AGBL3: variants seen among roughly 807,000 people sequenced by gnomAD.
The protein encoded by AGBL3 is cytosolic carboxypeptidase 3.
AGBL3 carries 68 observed loss-of-function variants against 94.5 expected under a neutral mutation model. That is an observed-to-expected ratio of 0.72 (90% CI 0.59 to 0.88). The LOEUF (loss-of-function observed/expected upper bound fraction) is 0.88, where lower values mean the gene tolerates loss of function less well. Ranked by LOEUF, AGBL3 falls within the 40% of genes least tolerant of loss-of-function variation. The pLI, the probability that AGBL3 is intolerant of heterozygous loss-of-function variation, is 0.00. For missense variants in AGBL3, 934 were observed against 1,103.8 expected, an observed-to-expected ratio of 0.85 and a Z score of 2.18; for synonymous variants, 354 against 370.7, an observed-to-expected ratio of 0.95 and a Z score of 0.52.
At chr7:135,037,668 C>A in intron 8 of AGBL3, 88 bp downstream of exon 8, 2 of 1,122,426 alleles carry the variant, frequency 1.8e-6, no homozygotes, top group Non-Finnish European at 2.4e-6. Flanking sequence ...AATACTATTC[C>A]AAACTGCTTT....
At chr7:135,075,633 T>G (rs1453629133) in intron 12 of AGBL3, among the ~76,000 whole-genome samples, 1 of 152,202 alleles carries the variant, frequency 6.6e-6, no homozygotes, top group Admixed American at 6.5e-5. Context: ...TACATACATG[T>G]TTAATTCTTT....
intron 15 of AGBL3, among the ~76,000 whole-genome samples, chr7:135,104,661 G>T (rs1193755516): frequency 3.9e-5 from 6 of 152,022 alleles, no homozygotes; most frequent in Admixed American, 2.6e-4. Context: ...GTTTTGATTT[G>T]CATTTCTTTA....
At chr7:135,084,831 C>A (rs554121556) in intron 15 of AGBL3, among the ~76,000 whole-genome samples, 51 of 152,144 alleles carry the variant, frequency 3.4e-4, no homozygotes, top group Non-Finnish European at 6.5e-4. Flanking sequence ...CTTTGACATA[C>A]TGATTTCCTT....
intron 11 of AGBL3, among the ~76,000 whole-genome samples, chr7:135,047,345 A>G (rs1421785567): frequency 2.0e-5 from 3 of 152,076 alleles, no homozygotes; most frequent in African/African-American, 4.8e-5. Context: ...TGCTACAATA[A>G]AAACAGGAAT....
chr7:135,096,654 C>T (rs1822866111), intron 15 of AGBL3, among the ~76,000 whole-genome samples: 1 of 117,104 alleles, frequency 8.5e-6, no homozygotes, highest in Non-Finnish European at 1.9e-5. Flanking sequence ...GGTGGAAGAA[C>T]TTATACAACT....
At chr7:135,068,943 T>C (rs904871890) in intron 12 of AGBL3, among the ~76,000 whole-genome samples, 2 of 152,112 alleles carry the variant, frequency 1.3e-5, no homozygotes, top group Non-Finnish European at 2.9e-5. Context: ...GCAAATTGGA[T>C]AAAGGGTCAA....
At chr7:135,013,954 G>A (rs955977779) in intron 4 of AGBL3, among the ~76,000 whole-genome samples, 1 of 152,058 alleles carries the variant, frequency 6.6e-6, no homozygotes, top group African/African-American at 2.4e-5. Context: ...TAGCACTTTG[G>A]GAGGCCAAGG....
At chr7:135,045,247 A>C (rs4639441) in intron 9 of AGBL3, among the ~76,000 whole-genome samples, 145,336 of 152,120 alleles carry the variant, frequency 0.96, 69,745 homozygotes, top group East Asian at 1. Flanking sequence ...GAATTTTTTT[A>C]TGCCTTTAAA....
Position 135,054,610 on chromosome 7 carries a change from G to A in AGBL3, c.1842-4559G>A, listed in dbSNP as rs533767298. ...AATGCACATTGAATCAGATATTGTG[G>A]TAAATATAATAAACTACTTATGTAG... On this transcript the variant is annotated intron_variant, in intron 11 of 16. Transcript: ENST00000436302. 1.9e-3 allele frequency among the ~76,000 whole-genome samples: 293 copies of A among 152,228 alleles called. 1 individual carries two copies. The highest frequency in any genetic ancestry group is 3.3e-3 in the Non-Finnish European group (226 of 68,012).
chr7:135,075,841 T>C (rs1291707624), intron 12 of AGBL3, among the ~76,000 whole-genome samples: 1 of 152,208 alleles, frequency 6.6e-6, no homozygotes. Context: ...ATGTTGAATA[T>C]CTTTTCACAT....
At chr7:135,134,042 TAG>T (rs1249702980) in intron 16 of AGBL3, among the ~76,000 whole-genome samples, 2 of 151,918 alleles carry the variant, frequency 1.3e-5, no homozygotes, top group Non-Finnish European at 2.9e-5. Flanking sequence ...AACTTGATAA[TAG>T]ATTAATAATG....
intron 15 of AGBL3, among the ~76,000 whole-genome samples, chr7:135,084,539 C>G (rs1821177846): frequency 6.6e-6 from 1 of 152,096 alleles, no homozygotes; most frequent in Non-Finnish European, 1.5e-5. Context: ...TCTATACTCT[C>G]TACTTCTATG....
intron 16 of AGBL3, among the ~76,000 whole-genome samples, chr7:135,116,878 G>A (rs948097252): frequency 6.6e-6 from 1 of 152,134 alleles, no homozygotes; most frequent in Non-Finnish European, 1.5e-5. Context: ...CTATTGTTGA[G>A]AGCTTTTTGT....
chr7:135,114,899 G>C (rs577215398), intron 15 of AGBL3, among the ~76,000 whole-genome samples: 1 of 152,146 alleles, frequency 6.6e-6, no homozygotes, highest in African/African-American at 2.4e-5. Flanking sequence ...TGGCTTTGAG[G>C]CCCAACATGA....
chr7:134,999,177 G>C (rs544125701), intron 4 of AGBL3, among the ~76,000 whole-genome samples: 2 of 152,296 alleles, frequency 1.3e-5, no homozygotes, highest in African/African-American at 4.8e-5. Flanking sequence ...GGTCCAAATT[G>C]CCACAGTATC....
chr7:135,052,878 C>T (rs10808279), intron 11 of AGBL3, among the ~76,000 whole-genome samples: 1 of 151,908 alleles, frequency 6.6e-6, no homozygotes, highest in Non-Finnish European at 1.5e-5. Context: ...AACTTGATTT[C>T]CTAGCACCAA....
Position 135,014,205 on chromosome 7 carries a change from A to G in AGBL3, c.311-2847A>G, listed in dbSNP as rs1165289221. Among the ~76,000 whole-genome samples the G allele has an allele frequency of 1.4e-3, 7 of 4,840 alleles. No homozygotes were observed. In the South Asian group the frequency reaches 0.086, roughly 59 times the overall value. 3.2% of individuals were successfully genotyped at this position (4,840 alleles called of 152,430 possible). A position where few individuals can be genotyped will look rare whatever the true frequency, so the allele number is the denominator to read the frequency against. The stretch of plus-strand genomic sequence containing the variant: ...AGCGAGACTCTGTCTCTGAAAAAAA[A>G]AAAAAAAAAAAAAAAAAAAAAACCC... On this transcript the variant is annotated intron_variant, in intron 4 of 16. Coordinates refer to ENST00000436302, the MANE Select transcript of AGBL3 (RefSeq NM_178563.4).
intron 12 of AGBL3, 39 bp downstream of exon 12, chr7:135,059,274 T>C: frequency 2.1e-6 from 3 of 1,450,472 alleles, no homozygotes; most frequent in Non-Finnish European, 2.8e-6. Context: ...GGATATGCTG[T>C]GTAGGTACTG....
chr7:135,048,097 G>A (rs1405778566), intron 11 of AGBL3, among the ~76,000 whole-genome samples: 1 of 151,700 alleles, frequency 6.6e-6, no homozygotes, highest in East Asian at 1.9e-4. Flanking sequence ...ACCATTATTT[G>A]TTGAAGATAT....
Sources: allele counts gnomAD v4.1 joint callset (sites outside exome capture counted in the v4.1 genomes callset), GRCh38; gene constraint gnomAD v4.1.1; transcripts MANE v1.5; gene names NCBI Gene and HGNC (gene_info 2026-07-23, HGNC 2026-07-21).